The following UROC1 variants were observed in gnomAD, a reference collection of about 807,000 sequenced individuals.
UROC1 encodes urocanate hydratase 1.
A neutral mutation model predicts 89.5 loss-of-function variants in UROC1; 79 were observed. The ratio of observed to expected loss-of-function variants is 0.88; its 90% confidence interval spans 0.74 to 1.06. The LOEUF is 1.06. Ranked by LOEUF, UROC1 falls within the 50% of genes least tolerant of loss-of-function variation. UROC1 has a pLI of 0.00. For missense variants in UROC1, 885 were observed against 907.8 expected (o/e 0.97, Z 0.32); for synonymous variants, 361 against 354.8 (o/e 1.02, Z -0.20).
intron 8 of UROC1, 83 bp from the exon 9 acceptor site, chr3:126,504,166 A>AG: frequency 7.1e-7 from 1 of 1,416,886 alleles, no homozygotes; most frequent in Non-Finnish European, 1.0e-6. Context: ...TCAACTAGGA[A>AG]GGTGTCATCC....
In UROC1 at chr3:126,508,007, C is replaced by A. The variant is rs1936108830; in HGVS notation, c.500G>T (p.Ser167Ile). The change falls in exon 5 of 20, where the codon AGC becomes ATC. Residue 167 changes from serine (S) to isoleucine (I), a missense_variant. Physicochemically the swap from Ser to Ile is moderately radical, Grantham distance 142. Coordinates refer to ENST00000290868, the MANE Select transcript of UROC1 (RefSeq NM_144639.3). The part of the protein sequence containing the change: ...YSGHPLGLFP[S>I]SRSAPRLVIT... ...GACGAGCCGTGGGGCACTGCGGCTG[C>A]TGGGAAAGAGGCCAAGTGGGTGCCC... The A allele has an allele frequency of 6.2e-7, 1 of 1,613,954 alleles. No individual in the cohort carries two copies.
intron 12 of UROC1, 109 bp downstream of exon 12, chr3:126,499,948 T>C (rs1935875797): frequency 9.0e-6 from 10 of 1,116,200 alleles, no homozygotes; most frequent in Non-Finnish European, 1.3e-5. Flanking sequence ...CAGGATTTGC[T>C]GGGCCACCCA....
chr3:126,512,725 T>G (rs1368046490), intron 1 of UROC1, among the ~76,000 whole-genome samples: 2 of 152,102 alleles, frequency 1.3e-5, no homozygotes, highest in Non-Finnish European at 2.9e-5. Context: ...GTCTCTAAAA[T>G]GTATACATAT....
At chr3:126,505,217 G>A (rs1936024978) in intron 8 of UROC1, among the ~76,000 whole-genome samples, 1 of 152,070 alleles carries the variant, frequency 6.6e-6, no homozygotes, top group South Asian at 2.1e-4. Flanking sequence ...ATTAGCCTCA[G>A]GTGTTCCTTT....
rs1222788165 is a variant in UROC1, at chr3:126,509,603, C to T, written c.333G>A (p.Leu111=). 3.9e-6 allele frequency: 6 copies of T among 1,551,972 alleles called. No individual in the cohort carries two copies. The highest frequency in any genetic ancestry group is 3.5e-6 in the Non-Finnish European group (4 of 1,147,132). The change falls in exon 3 of 20, where the codon CTG becomes CTA. Residue 111 remains leucine, a synonymous_variant. Coordinates refer to ENST00000290868, the MANE Select transcript of UROC1 (RefSeq NM_144639.3). The part of the protein sequence containing the change: ...AAIMHMIMNN[L]DPAVAQFPQE... ...CTATTACCTGGGCCACGGCAGGATC[C>T]AGGTTGTTCATAATCATGTGCATGA...
At position 126,517,693 on chromosome 3, in the gene UROC1, A is replaced by G. The variant is rs775612076; in HGVS notation, c.27T>C (p.Ser9=). Residue 9 remains serine (S), a synonymous_variant, in exon 1 of 20, where the codon TCT becomes TCC. Transcript: ENST00000290868. ...CTGGGAGGGGCCGCAGGGGCAGGCC[A>G]GAGCACAGCGCCTGGAGGCTAGACA... The part of the protein sequence containing the change: MSSLQALC[S]GLPLRPLPEN... 7 of 1,593,444 alleles carry G rather than the reference A, an allele frequency of 4.4e-6. No homozygotes were observed.
chr3:126,504,966 G>A (rs1936019908), intron 8 of UROC1, among the ~76,000 whole-genome samples: 1 of 152,194 alleles, frequency 6.6e-6, no homozygotes, highest in South Asian at 2.1e-4. Context: ...ATGGCTTGAT[G>A]CAGTCCTTGC....
intron 9 of UROC1, among the ~76,000 whole-genome samples, chr3:126,502,755 TTGTGTG>T (rs36233961): frequency 2.0e-5 from 3 of 150,914 alleles, no homozygotes; most frequent in East Asian, 2.0e-4. Flanking sequence ...CATGTGTATG[TTGTGTG>T]TGTTTGTGTG....
At chr3:126,503,971 C>T (rs1421347245) in intron 9 of UROC1, 24 bp downstream of exon 9, 1 of 1,613,624 alleles carries the variant, frequency 6.2e-7, no homozygotes, top group African/African-American at 1.3e-5. Flanking sequence ...TGTCAGGTGT[C>T]CGGAGTTGAG....
intron 15 of UROC1, among the ~76,000 whole-genome samples, chr3:126,494,561 C>T (rs1157227392): frequency 6.6e-6 from 1 of 152,216 alleles, no homozygotes; most frequent in Non-Finnish European, 1.5e-5. Context: ...CAGGCCTCTC[C>T]TGGCCCTGGG....
At chr3:126,496,682 C>T (rs950330469) in intron 14 of UROC1, among the ~76,000 whole-genome samples, 2 of 152,158 alleles carry the variant, frequency 1.3e-5, no homozygotes, top group African/African-American at 4.8e-5. Flanking sequence ...CTGACCAGCT[C>T]GTGAAAGCAG....
intron 6 of UROC1, 52 bp from the exon 7 acceptor site, chr3:126,506,063 G>T: frequency 6.2e-7 from 1 of 1,607,140 alleles, no homozygotes; most frequent in Non-Finnish European, 8.5e-7. Flanking sequence ...GCCAGGCCCA[G>T]GTCCTCCCAG....
intron 16 of UROC1, among the ~76,000 whole-genome samples, chr3:126,490,803 C>G: frequency 6.6e-6 from 1 of 152,160 alleles, no homozygotes; most frequent in East Asian, 1.9e-4. Flanking sequence ...AGCATGTCAG[C>G]CTGGCTCTGC....
intron 15 of UROC1, among the ~76,000 whole-genome samples, chr3:126,495,479 C>T (rs1054259649): frequency 6.6e-6 from 1 of 152,212 alleles, no homozygotes; most frequent in South Asian, 2.1e-4. Flanking sequence ...TGTGTCAGCA[C>T]TCCCTTCCGT....
At chr3:126,502,392 TTA>T (rs1491542534) in intron 9 of UROC1, among the ~76,000 whole-genome samples, 69 of 152,060 alleles carry the variant, frequency 4.5e-4, no homozygotes, top group Non-Finnish European at 6.3e-4. Flanking sequence ...TTACATGTGT[TTA>T]TGTGTTGTGT....
chr3:126,482,894 G>A (rs1472521232), intron 19 of UROC1, among the ~76,000 whole-genome samples: 1 of 149,598 alleles, frequency 6.7e-6, no homozygotes, highest in Non-Finnish European at 1.5e-5. Context: ...TGCCACCCCC[G>A]CCTCCGCCTT....
chr3:126,515,517 C>A (rs1319718377), intron 1 of UROC1, among the ~76,000 whole-genome samples: 1 of 136,470 alleles, frequency 7.3e-6, no homozygotes, highest in East Asian at 2.7e-4. Flanking sequence ...CCAGTACCCA[C>A]CACCTACCCT....
chr3:126,490,346 G>A (rs781220758), intron 16 of UROC1, among the ~76,000 whole-genome samples: 4 of 152,186 alleles, frequency 2.6e-5, no homozygotes, highest in African/African-American at 4.8e-5. Flanking sequence ...ATGGCTAAGG[G>A]CAGGTCAGCT....
At chr3:126,490,876 A>C (rs1935635095) in intron 16 of UROC1, among the ~76,000 whole-genome samples, 1 of 152,212 alleles carries the variant, frequency 6.6e-6, no homozygotes, top group Admixed American at 6.5e-5. Context: ...CCTGGGGAGC[A>C]GCCCAGCTGT....
Sources: gnomAD v4.1 joint callset for allele counts (sites outside exome capture counted in the v4.1 genomes callset) on GRCh38, gnomAD v4.1.1 for gene constraint, MANE v1.5 for transcripts, NCBI Gene and HGNC (gene_info 2026-07-23, HGNC 2026-07-21) for gene names.